Variants in MTMR8 observed in about 807,000 individuals in gnomAD.
MTMR8 encodes the protein myotubularin related protein 8.
Under a neutral mutation model 39.3 loss-of-function variants are expected in MTMR8, and 65 were observed. The observed-to-expected ratio is 1.65, with a 90% CI of 1.35 to 2.03. MTMR8 has a LOEUF of 2.03. MTMR8 is among the 30% of genes most tolerant of loss of function. The probability of loss-of-function intolerance (pLI) is 0.00; values close to 1 mark genes in which losing one functional copy is unlikely to be tolerated. For missense variants in MTMR8, 777 were observed against 538.9 expected, an observed-to-expected ratio of 1.44 and a Z score of -4.37; for synonymous variants, 245 against 185.2, an observed-to-expected ratio of 1.32 and a Z score of -2.62.
Position 64,268,834 on chromosome X carries a change from T to C in MTMR8, c.1818A>G (p.Ala606=). 1 of 1,211,867 alleles carries C rather than the reference T, an allele frequency of 8.3e-7. No individual in the cohort carries two copies. The highest frequency in any genetic ancestry group is 1.1e-6 in the Non-Finnish European group (1 of 895,551). ...AQMDQVKSQG[A]DLHHNCCEIV... ...TCTCACAACAGTTATGGTGGAGGTCTGCACCCTGGCTTTTTACTTGATCCA... is the reference window on the plus strand; with the variant it reads ...TCTCACAACAGTTATGGTGGAGGTCCGCACCCTGGCTTTTTACTTGATCCA... The change falls in exon 14 of 14, where the codon GCA becomes GCG. Residue 606 remains alanine (A), a synonymous_variant. Coordinates refer to ENST00000374852, the MANE Select transcript of MTMR8 (RefSeq NM_017677.4).
Position 64,354,774 on chromosome X carries a change from T to C in MTMR8, c.468+3A>G. ...AAAAGGCAAACAACAAGGACAAAAT[T>C]ACCTCATAGTTTCTGTTGGCATCTG... On this transcript the variant is annotated splice_donor_region_variant and intron_variant, in intron 4 of 13. Transcript: ENST00000374852. 1 of 1,170,467 alleles carries C rather than the reference T, an allele frequency of 8.5e-7. No homozygotes were observed. Among genetic ancestry groups the C allele is most frequent in the Non-Finnish European group, 1.1e-6 (1 of 876,378 alleles).
chrX:64,389,532 A>T (rs755799238), intron 1 of MTMR8, among the ~76,000 whole-genome samples: 12 of 111,854 alleles, frequency 1.1e-4, no homozygotes, highest in Non-Finnish European at 2.1e-4. Flanking sequence ...GAGGAAAATT[A>T]TTCCAATGCC....
At chrX:64,393,539 G>A (rs957199801) in intron 1 of MTMR8, among the ~76,000 whole-genome samples, 3 of 112,015 alleles carry the variant, frequency 2.7e-5, no homozygotes, top group African/African-American at 6.5e-5. Flanking sequence ...GAGTATTCGA[G>A]TGAGCTGATT....
chrX:64,285,893 C>T lies in MTMR8; in HGVS notation c.1482-14820G>A, dbSNP rs190942541. On this transcript the variant is annotated intron_variant, in intron 12 of 13. Coordinates refer to ENST00000374852, the MANE Select transcript of MTMR8 (RefSeq NM_017677.4). ...AAGCAGGAAAGATCTAAAATTGACACCCTAACATCACAATTAAAAGAACTA... is the reference window on the plus strand; with the variant it reads ...AAGCAGGAAAGATCTAAAATTGACATCCTAACATCACAATTAAAAGAACTA... Among the ~76,000 whole-genome samples the T allele has an allele frequency of 2.1e-4, 23 of 111,105 alleles. No individual in the cohort carries two copies. The East Asian group carries it at 6.5e-3, about 32-fold the overall frequency.
intron 12 of MTMR8, among the ~76,000 whole-genome samples, chrX:64,286,927 A>T (rs1372465836): frequency 9.0e-6 from 1 of 110,985 alleles, no homozygotes; most frequent in East Asian, 2.9e-4. Flanking sequence ...CTCTCTCACC[A>T]CTCCTATTCA....
In MTMR8 at chrX:64,331,623, T is replaced by C; in HGVS notation, c.1286A>G (p.Asp429Gly). 8.3e-7 allele frequency: 1 copy of C among 1,210,434 alleles called. No homozygotes were observed. Among genetic ancestry groups the C allele is most frequent in the Non-Finnish European group, 1.1e-6 (1 of 894,745 alleles). Reference protein sequence around the residue: ...FNENFLLEIHDHVFSCQFGNF... With the variant: ...FNENFLLEIHGHVFSCQFGNF... ...TCCAAACTGGCAGGAGAAAACATGG[T>C]CATGAATCTCCAGCAGGAAGTTTTC... Residue 429 changes from aspartate to glycine, a missense_variant, in exon 11 of 14, where the codon GAC (aspartate) becomes GGC (glycine). By Grantham distance (94) the Asp-to-Gly change is moderately conservative. Transcript: ENST00000374852.
At chrX:64,272,129 T>C (rs1315039542) in intron 12 of MTMR8, among the ~76,000 whole-genome samples, 1 of 111,769 alleles carries the variant, frequency 8.9e-6, no homozygotes, top group East Asian at 2.8e-4. Flanking sequence ...CCAATCCATA[T>C]GACTTGGGGT....
At chrX:64,362,471 GAAAAAAAAAAAA>G (rs760545171) in intron 1 of MTMR8, among the ~76,000 whole-genome samples, 75 of 5,486 alleles carry the variant, frequency 0.014, no homozygotes, top group East Asian at 0.028. Flanking sequence ...TACTATTGCA[GAAAAAAAAAAAA>G]AAAAAAAAAA....
chrX:64,383,696 G>C (rs1924489397), intron 1 of MTMR8, among the ~76,000 whole-genome samples: 1 of 110,371 alleles, frequency 9.1e-6, no homozygotes, highest in African/African-American at 3.3e-5. Context: ...CATGAGAACA[G>C]CACTAGAAGG....
rs756598274 is a variant in MTMR8, at chrX:64,354,832, C to G, written c.413G>C (p.Arg138Pro). The change falls in exon 4 of 14, where the codon CGT becomes CCT. Residue 138 changes from arginine to proline, a missense_variant. Physicochemically the swap from Arg to Pro is moderately radical, Grantham distance 103. Coordinates refer to ENST00000374852, the MANE Select transcript of MTMR8 (RefSeq NM_017677.4). ...KLIDPISDFG[R>P]MGIPNRNWTI... ...CCAGTTTCTGTTGGGTATTCCCATA[C>G]GCCCAAAGTCTGATATTGGGTCAAT... 1.1e-5 allele frequency: 13 copies of G among 1,204,018 alleles called. No homozygotes were observed. Among genetic ancestry groups the G allele is most frequent in the Admixed American group, 8.9e-5 (4 of 45,179 alleles).
intron 4 of MTMR8, among the ~76,000 whole-genome samples, chrX:64,352,675 A>C (rs1182678311): frequency 5.4e-5 from 6 of 111,689 alleles, no homozygotes; most frequent in Non-Finnish European, 1.1e-4. Flanking sequence ...TGGGATGCAT[A>C]TTAAATTCCT....
intron 12 of MTMR8, among the ~76,000 whole-genome samples, chrX:64,287,063 C>T (rs1921208668): frequency 1.8e-5 from 2 of 111,403 alleles, no homozygotes; most frequent in South Asian, 7.6e-4. Flanking sequence ...TCTAGAAAAC[C>T]CCATTGTCTC....
At chrX:64,275,300 T>G (rs1265607177) in intron 12 of MTMR8, among the ~76,000 whole-genome samples, 1 of 110,613 alleles carries the variant, frequency 9.0e-6, no homozygotes, top group Non-Finnish European at 1.9e-5. Flanking sequence ...ACTTTATATC[T>G]CAGGAACTAG....
intron 12 of MTMR8, among the ~76,000 whole-genome samples, chrX:64,283,756 T>C (rs958489574): frequency 8.9e-6 from 1 of 112,416 alleles, no homozygotes; most frequent in Non-Finnish European, 1.9e-5. Context: ...GACTTGCAGC[T>C]GATTGTCCTG....
chrX:64,268,796 A>T lies in MTMR8; in HGVS notation c.1856T>A (p.Leu619His). 2 of 1,211,755 alleles carry T rather than the reference A, an allele frequency of 1.7e-6. No individual in the cohort carries two copies. The highest frequency in any genetic ancestry group is 2.2e-6 in the Non-Finnish European group (2 of 895,533). Residue 619 changes from leucine (L) to histidine (H), a missense_variant, in exon 14 of 14, where the codon CTT (leucine) becomes CAT (histidine). Coordinates refer to ENST00000374852, the MANE Select transcript of MTMR8 (RefSeq NM_017677.4). ...HHNCCEIVGS[L>H]RAINISGDVG... Reference sequence around the variant, plus strand: ...ATCCCCAGAGATATTTATGGCCCTAAGGCTGCCCACAATCTCACAACAGTT... The same window carrying T: ...ATCCCCAGAGATATTTATGGCCCTATGGCTGCCCACAATCTCACAACAGTT...
intron 12 of MTMR8, among the ~76,000 whole-genome samples, chrX:64,290,434 G>GTATA (rs1392597796): frequency 1.8e-5 from 2 of 109,417 alleles, no homozygotes; most frequent in Admixed American, 9.8e-5. Flanking sequence ...TAAACATTTT[G>GTATA]TATATATATA....
intron 12 of MTMR8, among the ~76,000 whole-genome samples, chrX:64,273,064 G>GAAATGA (rs893383048): frequency 1.3e-4 from 15 of 111,282 alleles, no homozygotes; most frequent in Admixed American, 5.7e-4. Context: ...GATTGAAAGG[G>GAAATGA]AAATGAAAAT....
chrX:64,318,225 C>T, intron 12 of MTMR8, among the ~76,000 whole-genome samples: 1 of 112,393 alleles, frequency 8.9e-6, no homozygotes, highest in East Asian at 2.8e-4. Context: ...TCTGACACCA[C>T]CCTGGCAGGG....
rs778962275 is a variant in MTMR8, at chrX:64,308,320, ATTTTT to A, written c.1481+20447_1481+20451del. 1.9e-3 allele frequency among the ~76,000 whole-genome samples: 131 copies of A among 69,568 alleles called. 1 individual carries two copies. Among genetic ancestry groups the A allele is most frequent in the African/African-American group, 7.8e-3 (120 of 15,421 alleles). 60.4% of individuals were successfully genotyped at this position (69,568 alleles called of 115,157 possible). On this transcript the variant is annotated intron_variant, in intron 12 of 13. Coordinates refer to ENST00000374852, the MANE Select transcript of MTMR8 (RefSeq NM_017677.4). ...CAGGTGCCTGCCATCACGGCTGGCT[ATTTTT>A]TTTTTTTTTTTTTTTTTGTATTTTT...
Sources: allele counts gnomAD v4.1 joint callset (sites outside exome capture counted in the v4.1 genomes callset), GRCh38; gene constraint gnomAD v4.1.1; transcripts MANE v1.5; gene names NCBI Gene and HGNC (gene_info 2026-07-23, HGNC 2026-07-21).